The following LITAF variants were observed in gnomAD, a reference collection of about 807,000 sequenced individuals.
The protein encoded by LITAF is lipopolysaccharide-induced tumor necrosis factor-alpha factor.
A neutral mutation model predicts 14.5 loss-of-function variants in LITAF; 9 were observed. The observed-to-expected ratio is 0.62, with a 90% CI of 0.37 to 1.08. The LOEUF (loss-of-function observed/expected upper bound fraction) is 1.08. Among genes scored for constraint, LITAF ranks in the 50% least tolerant of loss-of-function variants. The pLI is 0.01. For synonymous variants in LITAF, 98 were observed against 88.2 expected, an observed-to-expected ratio of 1.11 and a Z score of -0.62; for missense variants, 206 against 213.4, an observed-to-expected ratio of 0.97 and a Z score of 0.22.
At chr16:11,569,497 C>G (rs1345084952) in intron 1 of LITAF, among the ~76,000 whole-genome samples, 1 of 152,178 alleles carries the variant, frequency 6.6e-6, no homozygotes, top group African/African-American at 2.4e-5. Context: ...TTGCCTTGGC[C>G]TCTCAAAGTG....
At chr16:11,573,714 T>C (rs1231254281) in intron 1 of LITAF, among the ~76,000 whole-genome samples, 3 of 150,408 alleles carry the variant, frequency 2.0e-5, no homozygotes, top group Non-Finnish European at 4.4e-5. Flanking sequence ...TTTTTTTTTT[T>C]TTTTTTTTTA....
At chr16:11,637,847 T>G (rs2065143870), upstream of LITAF, among the ~76,000 whole-genome samples, 1 of 143,662 alleles carries the variant, frequency 7.0e-6, no homozygotes, top group Non-Finnish European at 1.5e-5. Flanking sequence ...TGCCACTGCA[T>G]GCTAGTCTGG....
At chr16:11,614,463 CT>C (rs2065004442) in intron 3 of LITAF, among the ~76,000 whole-genome samples, 1 of 151,910 alleles carries the variant, frequency 6.6e-6, no homozygotes, top group African/African-American at 2.4e-5. Context: ...CCAGGCCCGG[CT>C]AATTTTTGTA....
chr16:11,556,809 A>G (rs976080962), intron 1 of LITAF, 74 bp from the exon 2 acceptor site: 18 of 1,288,034 alleles, frequency 1.4e-5, no homozygotes, highest in Non-Finnish European at 1.8e-5. Flanking sequence ...TAAGTCTTCA[A>G]TTTTCTTTCT....
chr16:11,618,456 C>T (rs1241973608), intron 3 of LITAF, among the ~76,000 whole-genome samples: 1 of 152,208 alleles, frequency 6.6e-6, no homozygotes, highest in Non-Finnish European at 1.5e-5. Flanking sequence ...GTGCAGTCTG[C>T]ACTAACTGTG....
chr16:11,603,725 A>T (rs1474819466), intron 3 of LITAF, among the ~76,000 whole-genome samples: 1 of 151,886 alleles, frequency 6.6e-6, no homozygotes, highest in Non-Finnish European at 1.5e-5. Flanking sequence ...AGCTCTCAGA[A>T]CTCCTTCTTA....
At chr16:11,630,868 A>G (rs982768650) in intron 3 of LITAF, among the ~76,000 whole-genome samples, 2 of 152,092 alleles carry the variant, frequency 1.3e-5, no homozygotes, top group Non-Finnish European at 2.9e-5. Flanking sequence ...AAGTGCTAAG[A>G]TCACAGGCAT....
intron 3 of LITAF, among the ~76,000 whole-genome samples, chr16:11,611,747 C>G (rs918270199): frequency 6.6e-6 from 1 of 151,748 alleles, no homozygotes; most frequent in Non-Finnish European, 1.5e-5. Context: ...ACTGCAATCT[C>G]CACCTCTCGG....
intron 2 of LITAF, among the ~76,000 whole-genome samples, chr16:11,555,194 A>G (rs13333225): frequency 0.76 from 115,860 of 151,882 alleles, 44,557 homozygotes; most frequent in Admixed American, 0.83. Flanking sequence ...CATCACACTC[A>G]GCTAATTTTA....
At chr16:11,562,261 C>G (rs1238126805) in intron 1 of LITAF, among the ~76,000 whole-genome samples, 3 of 143,712 alleles carry the variant, frequency 2.1e-5, no homozygotes, top group African/African-American at 7.8e-5. Flanking sequence ...CTGCAGTGAG[C>G]CGAGATCGTG....
chr16:11,598,983 C>T (rs1328726183), upstream of LITAF, among the ~76,000 whole-genome samples: 6 of 151,320 alleles, frequency 4.0e-5, no homozygotes, highest in African/African-American at 1.5e-4. Flanking sequence ...CCACTTCTGG[C>T]TGATTTTTGT....
intron 3 of LITAF, among the ~76,000 whole-genome samples, chr16:11,607,146 C>T (rs747243932): frequency 2.2e-4 from 33 of 152,336 alleles, no homozygotes; most frequent in Admixed American, 4.6e-4. Flanking sequence ...GTGTGGACCA[C>T]GTTTTCTGTT....
upstream of LITAF, among the ~76,000 whole-genome samples, chr16:11,591,694 G>T (rs934657546): frequency 1.3e-5 from 2 of 152,014 alleles, no homozygotes; most frequent in African/African-American, 2.4e-5. Context: ...AGGTTGGAGC[G>T]CAGTGGCGTG....
chr16:11,575,041 G>T (rs2064608658), intron 1 of LITAF, among the ~76,000 whole-genome samples: 1 of 152,106 alleles, frequency 6.6e-6, no homozygotes, highest in Non-Finnish European at 1.5e-5. Context: ...GACCTCAAGT[G>T]ATCCGCCCAC....
intron 1 of LITAF, 46 bp from the exon 2 acceptor site, chr16:11,556,781 C>T: frequency 6.7e-7 from 1 of 1,489,218 alleles, no homozygotes. Context: ...CAGTTGATCT[C>T]TCCCTCTCTT....
chr16:11,589,923 C>CCACACGTTCTGATTTTAA (rs1597362996), upstream of LITAF, among the ~76,000 whole-genome samples: 29 of 117,364 alleles, frequency 2.5e-4, no homozygotes, highest in African/African-American at 4.8e-4. Context: ...CACACCCAGC[C>CCACACGTTCTGATTTTAA]AGTTGCATTT....
rs1391208027 is a variant in LITAF, at chr16:11,553,068, T to A, written c.377+465A>T. Among the ~76,000 whole-genome samples, 1 of 151,996 alleles carries A rather than the reference T, an allele frequency of 6.6e-6. No homozygotes were observed. Among genetic ancestry groups the A allele is most frequent in the African/African-American group, 2.4e-5 (1 of 41,356 alleles). ...AGGCGGAGGTTGCAGTGAGCCGGGA[T>A]CGTGCTACTGCACTCCAGCCTGGGC... On this transcript the variant is annotated intron_variant, in intron 3 of 3. Transcript: ENST00000622633. This position sits in a 1 kb window ranked among gnomAD's most constrained non-coding sequence, Gnocchi z 7.7.
At chr16:11,567,252 T>C (rs1309216118) in intron 1 of LITAF, among the ~76,000 whole-genome samples, 1 of 151,830 alleles carries the variant, frequency 6.6e-6, no homozygotes, top group Non-Finnish European at 1.5e-5. Flanking sequence ...AAACCTCGTC[T>C]CTACTAAAAG....
upstream of LITAF, among the ~76,000 whole-genome samples, chr16:11,588,810 C>A (rs2064831364): frequency 6.6e-6 from 1 of 151,792 alleles, no homozygotes; most frequent in South Asian, 2.1e-4. Context: ...GAATGCTTTT[C>A]TTCCTTCCTT....
Sources: gnomAD v4.1 joint callset for allele counts (sites outside exome capture counted in the v4.1 genomes callset) on GRCh38, gnomAD v4.1.1 for gene constraint, Gnocchi (gnomAD v3.1) non-coding constraint, MANE v1.5 for transcripts, NCBI Gene and HGNC (gene_info 2026-07-23, HGNC 2026-07-21) for gene names.